The following CADM2 variants were observed in gnomAD, a reference collection of about 807,000 sequenced individuals.
CADM2 encodes the protein cell adhesion molecule 2.
In CADM2, 12 loss-of-function variants were observed where a neutral mutation model predicts 49.8. The ratio of observed to expected loss-of-function variants is 0.24; its 90% CI spans 0.15 to 0.39. CADM2 has a LOEUF of 0.39. Among genes scored for constraint, CADM2 ranks in the 10% least tolerant of loss-of-function variants. The pLI is 1.00. For synonymous variants in CADM2, 214 were observed against 175.4 expected (o/e 1.22, Z -1.74); for missense variants, 378 against 492.3 (o/e 0.77, Z 2.20).
intron 1 of CADM2, among the ~76,000 whole-genome samples, chr3:85,344,365 G>A (rs1338403076): frequency 6.7e-6 from 1 of 148,674 alleles, no homozygotes; most frequent in Non-Finnish European, 1.5e-5. Context: ...CAGCGACAGA[G>A]TGAGACACCA....
chr3:85,407,444 G>A (rs570612832), intron 1 of CADM2, among the ~76,000 whole-genome samples: 24 of 152,026 alleles, frequency 1.6e-4, no homozygotes, highest in East Asian at 1.5e-3. Flanking sequence ...TTACACAACC[G>A]CTTCTACCAT....
intron 1 of CADM2, among the ~76,000 whole-genome samples, chr3:85,645,216 T>C (rs1336407227): frequency 6.6e-6 from 1 of 152,104 alleles, no homozygotes; most frequent in Non-Finnish European, 1.5e-5. Flanking sequence ...ATTCTACTTT[T>C]CCCCATATCA....
rs975497928 is a variant in CADM2, at chr3:85,683,046, G to A, written c.62-43476G>A. On this transcript the variant is annotated intron_variant, in intron 1 of 9. Transcript: ENST00000383699. ...AAGAAGTTATTTCACAAAAGCTTCA[G>A]GGTTTATTATTCTGGTGTCACTATG... Among the ~76,000 whole-genome samples the A allele has an allele frequency of 4.6e-5, 7 of 152,126 alleles. No individual in the cohort carries two copies. In the South Asian group the frequency reaches 1.5e-3, roughly 32 times the overall value.
chr3:85,709,749 A>T (rs1197083568), intron 1 of CADM2, among the ~76,000 whole-genome samples: 1 of 152,150 alleles, frequency 6.6e-6, no homozygotes, highest in African/African-American at 2.4e-5. Context: ...GCTTTTGATC[A>T]CAGTTCTACA....
At position 85,168,115 on chromosome 3, in the gene CADM2, G is replaced by C. The variant is rs541990686; in HGVS notation, c.61+208447G>C. ...CTGTTTCCCACGCTAGAGTGCAGTGGCTCGATCTGGGCTCTTTGCAACCTC... is the reference window on the plus strand; with the variant it reads ...CTGTTTCCCACGCTAGAGTGCAGTGCCTCGATCTGGGCTCTTTGCAACCTC... On this transcript the variant is annotated intron_variant, in intron 1 of 9. Coordinates refer to ENST00000383699, the MANE Select transcript of CADM2 (RefSeq NM_001167675.2). Among the ~76,000 whole-genome samples, 10 of 152,156 alleles carry C rather than the reference G, an allele frequency of 6.6e-5. 1 individual carries two copies. Among genetic ancestry groups the C allele is most frequent in the African/African-American group, 2.4e-4 (10 of 41,504 alleles).
chr3:85,500,862 GT>G (rs1468112063), intron 1 of CADM2, among the ~76,000 whole-genome samples: 1 of 151,994 alleles, frequency 6.6e-6, no homozygotes, highest in Non-Finnish European at 1.5e-5. Flanking sequence ...TTGAGATTAT[GT>G]TTGCCATGCA....
Position 84,959,182 on chromosome 3 carries a change from T to C in CADM2, c.-426T>C. On this transcript the variant is annotated 5_prime_UTR_variant, in exon 1 of 10. Transcript: ENST00000383699. Reference sequence around the variant, plus strand: ...CAGTGCTGCTTGCTTGCTCCTCCTCTCCCCCAGCCCTTCCCCTCCGTGACC... The same window carrying C: ...CAGTGCTGCTTGCTTGCTCCTCCTCCCCCCCAGCCCTTCCCCTCCGTGACC... 9.1e-6 allele frequency: 2 copies of C among 219,006 alleles called. No homozygotes were observed. The highest frequency in any genetic ancestry group is 6.5e-5 in the South Asian group (1 of 15,408). The allele number at this position is 219,006 out of a possible 1,614,324, so 13.6% of individuals were successfully genotyped here.
rs200726687 is a variant in CADM2, at chr3:85,240,102, ATTTAC to A, written c.61+280438_61+280442del. Among the ~76,000 whole-genome samples the A allele has an allele frequency of 4.9e-3, 739 of 151,536 alleles. 4 individuals are homozygous for A. Among genetic ancestry groups the A allele is most frequent in the African/African-American group, 0.016 (675 of 41,512 alleles). On this transcript the variant is annotated intron_variant, in intron 1 of 9. Coordinates refer to ENST00000383699, the MANE Select transcript of CADM2 (RefSeq NM_001167675.2). ...TTTGGTATCATTCATAAAATGTGCTATTTACTTTGTTACCAGATTCAAGTGTAATC... is the reference window on the plus strand; with the variant it reads ...TTTGGTATCATTCATAAAATGTGCTATTTGTTACCAGATTCAAGTGTAATC...
At chr3:85,471,292 A>C (rs1274681347) in intron 1 of CADM2, among the ~76,000 whole-genome samples, 1 of 152,166 alleles carries the variant, frequency 6.6e-6, no homozygotes, top group African/African-American at 2.4e-5. Context: ...AGCTTCCAGG[A>C]AGTAGAAAAG....
chr3:85,289,131 A>T (rs1392927730), intron 1 of CADM2, among the ~76,000 whole-genome samples: 1 of 152,214 alleles, frequency 6.6e-6, no homozygotes, highest in African/African-American at 2.4e-5. Context: ...TACTGAAAAT[A>T]GAAAGATGCA....
chr3:85,098,355 AT>A (rs1167901459), intron 1 of CADM2, among the ~76,000 whole-genome samples: 3 of 152,234 alleles, frequency 2.0e-5, no homozygotes, highest in African/African-American at 4.8e-5. Context: ...GGAAAAAAAA[AT>A]ATGACCAAAG....
At chr3:85,374,005 T>A (rs1054661310) in intron 1 of CADM2, among the ~76,000 whole-genome samples, 1 of 152,166 alleles carries the variant, frequency 6.6e-6, no homozygotes, top group African/African-American at 2.4e-5. Flanking sequence ...CCCATTACCT[T>A]GGTGATAACA....
intron 1 of CADM2, among the ~76,000 whole-genome samples, chr3:85,260,148 A>G (rs1025316485): frequency 2.0e-5 from 3 of 152,108 alleles, no homozygotes; most frequent in African/African-American, 7.2e-5. Flanking sequence ...TCCACAATCA[A>G]TGTGAAAAAA....
At chr3:85,727,607 C>T (rs1322648552) in intron 2 of CADM2, among the ~76,000 whole-genome samples, 1 of 152,054 alleles carries the variant, frequency 6.6e-6, no homozygotes, top group East Asian at 1.9e-4. Context: ...ATAATGAATA[C>T]ATGTCTATAA....
chr3:85,344,760 A>G (rs1315572991), intron 1 of CADM2, among the ~76,000 whole-genome samples: 1 of 152,144 alleles, frequency 6.6e-6, no homozygotes, highest in Non-Finnish European at 1.5e-5. Flanking sequence ...GTGCATTTGT[A>G]CATTTGAATC....
At chr3:86,038,226 C>G (rs79089942) in intron 8 of CADM2, among the ~76,000 whole-genome samples, 5,209 of 152,220 alleles carry the variant, frequency 0.034, 172 homozygotes, top group African/African-American at 0.083. Flanking sequence ...AACTTCTTAA[C>G]ATGTGTTAAA....
chr3:85,306,992 C>G (rs1467692243), intron 1 of CADM2, among the ~76,000 whole-genome samples: 2 of 151,524 alleles, frequency 1.3e-5, no homozygotes, highest in Non-Finnish European at 3.0e-5. Flanking sequence ...CCCTTTATCC[C>G]CATAGAAACG....
chr3:85,535,744 G>C (rs1036393591), intron 1 of CADM2, among the ~76,000 whole-genome samples: 5 of 152,058 alleles, frequency 3.3e-5, no homozygotes, highest in Non-Finnish European at 7.4e-5. Flanking sequence ...CTGACTCTCA[G>C]CTTTAGGGAA....
At chr3:85,445,429 T>C (rs1163462625) in intron 1 of CADM2, among the ~76,000 whole-genome samples, 1 of 152,106 alleles carries the variant, frequency 6.6e-6, no homozygotes, top group East Asian at 1.9e-4. Context: ...AAATACATTG[T>C]CTGTAATGAG....
Sources: allele counts gnomAD v4.1 joint callset (sites outside exome capture counted in the v4.1 genomes callset), GRCh38; gene constraint gnomAD v4.1.1; transcripts MANE v1.5; gene names NCBI Gene and HGNC (gene_info 2026-07-23, HGNC 2026-07-21).